The following ABCC3 variants were observed in gnomAD, a reference collection of about 807,000 sequenced individuals.
ABCC3 encodes the protein ATP-binding cassette sub-family C member 3.
In ABCC3, 121 loss-of-function variants were observed where a neutral mutation model predicts 165.3. That is an observed-to-expected ratio of 0.73 (90% CI 0.63 to 0.85). The LOEUF is 0.85. Ranked by LOEUF, ABCC3 falls within the 40% of genes least tolerant of loss-of-function variation. ABCC3 has a pLI of 0.00. For synonymous variants in ABCC3, 733 were observed against 810.1 expected, an observed-to-expected ratio of 0.90 and a Z score of 1.62; for missense variants, 1,869 against 1,964.1, an observed-to-expected ratio of 0.95 and a Z score of 0.92.
chr17:50,655,133 G>C (rs1339364502), intron 1 of ABCC3, among the ~76,000 whole-genome samples: 2 of 72 alleles, frequency 0.028, no homozygotes, highest in Non-Finnish European at 0.042. Context: ...TGAGGGCCAG[G>C]CGCAGCCGTC....
chr17:50,678,265 A>C, intron 25 of ABCC3, 46 bp downstream of exon 25: 1 of 1,508,060 alleles, frequency 6.6e-7, no homozygotes, highest in Non-Finnish European at 8.8e-7. Context: ...CTGGGACAGA[A>C]ACCACACAGG....
At chr17:50,661,330 G>C (rs1022473119) in intron 8 of ABCC3, among the ~76,000 whole-genome samples, 5 of 152,238 alleles carry the variant, frequency 3.3e-5, no homozygotes, top group African/African-American at 1.2e-4. Context: ...TATGTGCCGG[G>C]CACCGTGGTG....
At chr17:50,674,925 G>A (rs931577972) in intron 19 of ABCC3, among the ~76,000 whole-genome samples, 5 of 150,896 alleles carry the variant, frequency 3.3e-5, no homozygotes, top group African/African-American at 9.8e-5. Context: ...TCAGCCTCCC[G>A]AGTAGCCAGG....
At chr17:50,656,396 C>G (rs577582626) in intron 2 of ABCC3, among the ~76,000 whole-genome samples, 1 of 152,200 alleles carries the variant, frequency 6.6e-6, no homozygotes, top group Non-Finnish European at 1.5e-5. Context: ...TTTAATGAGG[C>G]CCTCTCCCAC....
chr17:50,656,443 C>A (rs1195332209), intron 2 of ABCC3, among the ~76,000 whole-genome samples: 1 of 152,322 alleles, frequency 6.6e-6, no homozygotes, highest in Admixed American at 6.5e-5. Context: ...TCTCACCTGA[C>A]CTGCTTGGGG....
chr17:50,673,444 T>C lies in ABCC3; in HGVS notation c.2410-25T>C, dbSNP rs368878271. 1.6e-5 allele frequency: 26 copies of C among 1,608,830 alleles called. No individual in the cohort carries two copies. The African/African-American group carries it at 2.9e-4, about 18-fold the overall frequency. On this transcript the variant is annotated intron_variant, in intron 18 of 30. Coordinates refer to ENST00000285238, the MANE Select transcript of ABCC3 (RefSeq NM_003786.4). Reference sequence around the variant, plus strand: ...GGGGTGTGCTGGAGGGTGGTAGGGGTGAGAGCCTGCTGCCTTCTCCCCAGA... The same window carrying C: ...GGGGTGTGCTGGAGGGTGGTAGGGGCGAGAGCCTGCTGCCTTCTCCCCAGA...
intron 8 of ABCC3, among the ~76,000 whole-genome samples, chr17:50,661,527 C>T (rs1967387604): frequency 6.6e-6 from 1 of 152,188 alleles, no homozygotes; most frequent in Non-Finnish European, 1.5e-5. Flanking sequence ...GCTCTGTCCC[C>T]ACCATCAGGC....
intron 17 of ABCC3, among the ~76,000 whole-genome samples, chr17:50,672,370 G>A (rs1452901373): frequency 6.6e-6 from 1 of 152,228 alleles, no homozygotes; most frequent in Non-Finnish European, 1.5e-5. Context: ...AAGGCTGAAT[G>A]ATATTTCATT....
chr17:50,689,444 G>T (rs974019211), intron 30 of ABCC3, among the ~76,000 whole-genome samples: 1 of 152,196 alleles, frequency 6.6e-6, no homozygotes, highest in Non-Finnish European at 1.5e-5. Context: ...ACTGGCCCTG[G>T]CCTGGCAGGC....
rs201021941 is a variant in ABCC3 at position 50,675,936 on chromosome 17, G to T, written c.2913G>T (p.Thr971=). 3.7e-6 allele frequency: 6 copies of T among 1,614,054 alleles called. No individual in the cohort carries two copies. The African/African-American group carries it at 8.0e-5, about 22-fold the overall frequency. ...DYAKAVGLCT[T]LAICLLYVGQ... ...CCAAGGCCGTGGGGCTCTGTACCAC[G>T]CTGGCCATCTGTCTCCTGTATGTGG... The change falls in exon 22 of 31, where the codon ACG becomes ACT. Residue 971 remains threonine (T), a synonymous_variant. Coordinates refer to ENST00000285238, the MANE Select transcript of ABCC3 (RefSeq NM_003786.4).
chr17:50,673,658 G>A lies in ABCC3; in HGVS notation c.2599G>A (p.Ala867Thr), dbSNP rs747342723. 57 of 1,613,830 alleles carry A rather than the reference G, an allele frequency of 3.5e-5. No homozygotes were observed. The highest frequency in any genetic ancestry group is 4.2e-5 in the Non-Finnish European group (50 of 1,179,898). ...DQGHLEDSWT[A>T]LEGAEDKEAL... ...AGGGCACCTGGAGGACAGCTGGACC[G>A]GTATCTGCCATCCTGGGCCCTCTGA... The change falls in exon 19 of 31, where the codon GCG (alanine) becomes ACG (threonine). Residue 867 changes from alanine to threonine, a missense_variant and splice_region_variant. Ala to Thr is a moderately conservative substitution (Grantham distance 58). Coordinates refer to ENST00000285238, the MANE Select transcript of ABCC3 (RefSeq NM_003786.4).
chr17:50,659,373 G>A lies in ABCC3; in HGVS notation c.806+5G>A. The A allele has an allele frequency of 1.2e-6, 2 of 1,604,234 alleles. No homozygotes were observed. The highest frequency in any genetic ancestry group is 1.3e-5 in the African/African-American group (1 of 74,864). On this transcript the variant is annotated splice_donor_5th_base_variant and intron_variant, in intron 7 of 30. Transcript: ENST00000285238. ...GCAGGAAAAGCAGACGGCACGGTGA[G>A]GCCCTCCCCTTGCCCCAACACCCAG...
chr17:50,680,795 C>T (rs1345527041), intron 26 of ABCC3, among the ~76,000 whole-genome samples: 1 of 152,104 alleles, frequency 6.6e-6, no homozygotes, highest in South Asian at 2.1e-4. Flanking sequence ...TTGCAGGAGG[C>T]GGGGCACAGT....
chr17:50,677,894 A>G lies in ABCC3; in HGVS notation c.3529A>G (p.Lys1177Glu). ...GGATTTTGAGATCATCAGTGATACT[A>G]AGGTGGATGCCAACCAGAGAAGCTG... ...SRDFEIISDT[K>E]VDANQRSCYP... is the part of the protein sequence containing the mutation. The change falls in exon 24 of 31, where the codon AAG becomes GAG. Residue 1177 changes from lysine (K) to glutamate (E), a missense_variant. Transcript: ENST00000285238. The G allele has an allele frequency of 6.2e-7, 1 of 1,614,150 alleles. No homozygotes were observed. The highest frequency in any genetic ancestry group is 8.5e-7 in the Non-Finnish European group (1 of 1,180,026).
At chr17:50,682,094 G>A (rs939639478) in intron 26 of ABCC3, among the ~76,000 whole-genome samples, 5 of 152,040 alleles carry the variant, frequency 3.3e-5, no homozygotes, top group Non-Finnish European at 7.4e-5. Flanking sequence ...ACCTCTGGCC[G>A]CGTGGTTTCT....
At chr17:50,668,394 G>A (rs1377020892) in intron 13 of ABCC3, 36 bp from the exon 14 acceptor site, 1 of 1,587,556 alleles carries the variant, frequency 6.3e-7, no homozygotes, top group Non-Finnish European at 8.6e-7. Context: ...GGTTGGGAAA[G>A]TACAGTCTCT....
intron 29 of ABCC3, 96 bp downstream of exon 29, chr17:50,684,971 G>T: frequency 1.4e-6 from 2 of 1,405,588 alleles, no homozygotes; most frequent in Non-Finnish European, 1.9e-6. Context: ...CAGAGATGAG[G>T]CCAGCCCGGA....
chr17:50,661,135 A>G, intron 8 of ABCC3, 21 bp downstream of exon 8: 1 of 1,589,406 alleles, frequency 6.3e-7, no homozygotes, highest in African/African-American at 1.3e-5. Flanking sequence ...ACTCCGGCTC[A>G]CTATAGCCCT....
intron 7 of ABCC3, 38 bp downstream of exon 7, chr17:50,659,406 G>A (rs374672326): frequency 3.2e-5 from 51 of 1,581,570 alleles, no homozygotes; most frequent in South Asian, 1.1e-4. Context: ...CAGCCCCTTC[G>A]CTTACCCCAG....
Sources: gnomAD v4.1 joint callset for allele counts (sites outside exome capture counted in the v4.1 genomes callset) on GRCh38, gnomAD v4.1.1 for gene constraint, MANE v1.5 for transcripts, NCBI Gene and HGNC (gene_info 2026-07-23, HGNC 2026-07-21) for gene names.